RBFOX1: variants seen among roughly 807,000 people sequenced by gnomAD.
The protein encoded by RBFOX1 is RNA binding protein fox-1 homolog 1.
A neutral mutation model predicts 57.7 loss-of-function variants in RBFOX1; 8 were observed. That is an observed-to-expected ratio of 0.14 (90% CI 0.08 to 0.25). RBFOX1 has a LOEUF of 0.25. Ranked by LOEUF, RBFOX1 falls within the 10% of genes least tolerant of loss-of-function variation. The pLI is 1.00. For synonymous variants in RBFOX1, 326 were observed against 222.4 expected (o/e 1.47, Z -4.15); for missense variants, 611 against 548.5 (o/e 1.11, Z -1.14).
At position 5,851,078 on chromosome 16, in the gene RBFOX1, G is replaced by T. The variant is rs1046231105; in HGVS notation, c.319-16225G>T. ...CCAAACGCACTTCCCCAATTCCCAG[G>T]CCTGCTTTATTTCTCCCTTTGGTAC... On this transcript the variant is annotated intron_variant, in intron 3 of 19. Coordinates refer to the RBFOX1 transcript ENST00000641259. Among the ~76,000 whole-genome samples the T allele has an allele frequency of 4.6e-5, 7 of 152,126 alleles. No individual in the cohort carries two copies. In the East Asian group the frequency reaches 1.4e-3, roughly 29 times the overall value.
chr16:6,758,671 C>T (rs925050170), intron 3 of RBFOX1, among the ~76,000 whole-genome samples: 4 of 152,202 alleles, frequency 2.6e-5, no homozygotes, highest in Admixed American at 6.5e-5. Context: ...TAGCAAGACA[C>T]ACCACCAATT....
intron 2 of RBFOX1, among the ~76,000 whole-genome samples, chr16:6,588,102 A>T (rs1185966601): frequency 6.6e-6 from 1 of 151,818 alleles, no homozygotes; most frequent in Non-Finnish European, 1.5e-5. Context: ...GTGGTGGCAC[A>T]CACCTGTAAT....
At chr16:6,837,169 T>A (rs971180173) in intron 3 of RBFOX1, among the ~76,000 whole-genome samples, 1 of 152,170 alleles carries the variant, frequency 6.6e-6, no homozygotes, top group Non-Finnish European at 1.5e-5. Context: ...GTTTTCTGAG[T>A]TTAAATAACT....
chr16:5,330,837 G>C (rs774376145), intron 1 of RBFOX1, among the ~76,000 whole-genome samples: 3 of 152,028 alleles, frequency 2.0e-5, no homozygotes, highest in Non-Finnish European at 2.9e-5. Context: ...ACTCTGCAAG[G>C]TGGAGGCTGC....
intron 1 of RBFOX1, among the ~76,000 whole-genome samples, chr16:5,304,478 C>T (rs947019102): frequency 6.6e-6 from 1 of 152,216 alleles, no homozygotes; most frequent in Non-Finnish European, 1.5e-5. Flanking sequence ...GGAGTTGAGT[C>T]TGTCATGGTG....
At chr16:7,456,630 C>G (rs949687331) in intron 4 of RBFOX1, among the ~76,000 whole-genome samples, 2 of 152,192 alleles carry the variant, frequency 1.3e-5, no homozygotes, top group Non-Finnish European at 2.9e-5. Context: ...GGAGAACACA[C>G]CTTCACGTGC....
chr16:6,722,855 T>C (rs549350298), intron 3 of RBFOX1, among the ~76,000 whole-genome samples: 1 of 152,340 alleles, frequency 6.6e-6, no homozygotes, highest in East Asian at 1.9e-4. Flanking sequence ...AATCCAAATG[T>C]AGCTTTGGCA....
chr16:6,719,606 A>T (rs62015935), intron 3 of RBFOX1, among the ~76,000 whole-genome samples: 18 of 151,064 alleles, frequency 1.2e-4, no homozygotes, highest in Non-Finnish European at 1.6e-4. Flanking sequence ...ACGCCCGGCT[A>T]ATTTTTTTTT....
At chr16:7,513,285 ATG>A (rs138664979) in intron 4 of RBFOX1, among the ~76,000 whole-genome samples, 33,254 of 149,470 alleles carry the variant, frequency 0.22, 4,833 homozygotes, top group East Asian at 0.41. Flanking sequence ...AATAAAAATA[ATG>A]AATGAATGAA....
At chr16:6,607,690 C>T (rs17140730) in intron 2 of RBFOX1, among the ~76,000 whole-genome samples, 45,433 of 151,768 alleles carry the variant, frequency 0.3, 7,157 homozygotes, top group East Asian at 0.42. Context: ...CCTATGTGGG[C>T]ATGTGAGTGT....
intron 14 of RBFOX1, among the ~76,000 whole-genome samples, chr16:7,695,626 T>G (rs1226004000): frequency 7.7e-6 from 1 of 129,716 alleles, no homozygotes; most frequent in Non-Finnish European, 1.5e-5. Context: ...CACTCCGGCC[T>G]GGACGACAGA....
chr16:6,150,388 C>T lies in RBFOX1; in HGVS notation c.-127+130396C>T, dbSNP rs183960048. 4.0e-3 allele frequency among the ~76,000 whole-genome samples: 602 copies of T among 152,180 alleles called. 1 individual carries two copies. The Middle Eastern group carries it at 0.041, about 10-fold the overall frequency. On this transcript the variant is annotated intron_variant, in intron 1 of 15. Transcript: ENST00000550418. ...GAGTTGAAGTTGTGAGGATCTATCT[C>T]AAGGCATGTGTAAACAACAGTGCCC...
rs4038155 is a variant in RBFOX1 at position 6,122,802 on chromosome 16, A to ATGTGTGTGTGTGTG, written c.-127+102826_-127+102839dup. Among the ~76,000 whole-genome samples, 738 of 147,832 alleles carry ATGTGTGTGTGTGTG rather than the reference A, an allele frequency of 5.0e-3. 8 individuals are homozygous for ATGTGTGTGTGTGTG. The highest frequency in any genetic ancestry group is 0.017 in the African/African-American group (664 of 39,704). The stretch of plus-strand genomic sequence containing the variant: ...ATGATCTGTGTGGCTATGTGTGTGT[A>ATGTGTGTGTGTGTG]TGTGTGTGTGTGTGTGTGTGTGTGT... On this transcript the variant is annotated intron_variant, in intron 1 of 15. Transcript: ENST00000550418.
chr16:7,416,500 AG>A (rs570517877), intron 4 of RBFOX1, among the ~76,000 whole-genome samples: 45 of 152,222 alleles, frequency 3.0e-4, no homozygotes, highest in Admixed American at 2.6e-3. Context: ...GTGTGCTGGG[AG>A]GGGGGCCTTG....
chr16:7,436,109 A>T (rs988855411), intron 4 of RBFOX1, among the ~76,000 whole-genome samples: 1 of 152,296 alleles, frequency 6.6e-6, no homozygotes, highest in African/African-American at 2.4e-5. Flanking sequence ...GTAACTCAAG[A>T]TAGCCTTTTT....
intron 1 of RBFOX1, among the ~76,000 whole-genome samples, chr16:6,106,688 G>A (rs2096383959): frequency 6.6e-6 from 1 of 151,760 alleles, no homozygotes; most frequent in Non-Finnish European, 1.5e-5. Flanking sequence ...CTTTTTTTGA[G>A]ACGGAGTGTC....
chr16:6,964,515 G>A (rs894138878), intron 3 of RBFOX1, among the ~76,000 whole-genome samples: 1 of 152,126 alleles, frequency 6.6e-6, no homozygotes, highest in African/African-American at 2.4e-5. Context: ...TCTGGTAGGG[G>A]GTTTTGTTAA....
chr16:7,683,375 TTCTCTC>T (rs142145379), intron 14 of RBFOX1, among the ~76,000 whole-genome samples: 1 of 151,874 alleles, frequency 6.6e-6, no homozygotes, highest in African/African-American at 2.4e-5. Context: ...GTGTTCAACT[TTCTCTC>T]TCAAGAACTA....
chr16:6,686,260 G>A (rs924420868), intron 3 of RBFOX1, among the ~76,000 whole-genome samples: 5 of 152,084 alleles, frequency 3.3e-5, no homozygotes, highest in Non-Finnish European at 5.9e-5. Context: ...CAGTGGTCAG[G>A]GCCATTCATA....
Sources: allele counts gnomAD v4.1 joint callset (sites outside exome capture counted in the v4.1 genomes callset), GRCh38; gene constraint gnomAD v4.1.1; transcripts MANE v1.5; gene names NCBI Gene and HGNC (gene_info 2026-07-23, HGNC 2026-07-21).